Variants in DAB1 observed in about 807,000 individuals in gnomAD.
DAB1 encodes the protein disabled homolog 1.
DAB1 carries 15 observed loss-of-function variants against 64.6 expected under a neutral mutation model. The ratio of observed to expected loss-of-function variants is 0.23; its 90% CI spans 0.16 to 0.36. The LOEUF is 0.36. Ranked by LOEUF, DAB1 falls within the 10% of genes least tolerant of loss-of-function variation. The pLI is 1.00. For synonymous variants in DAB1, 235 were observed against 251.9 expected, an observed-to-expected ratio of 0.93 and a Z score of 0.64; for missense variants, 596 against 706.7, an observed-to-expected ratio of 0.84 and a Z score of 1.78.
At chr1:57,835,172 A>T (rs2101908603) in intron 1 of DAB1, among the ~76,000 whole-genome samples, 1 of 152,280 alleles carries the variant, frequency 6.6e-6, no homozygotes, top group South Asian at 2.1e-4. Flanking sequence ...TTCAGATTCT[A>T]TGCTTAGACT....
chr1:57,718,017 A>T (rs1570764784), intron 6 of DAB1, among the ~76,000 whole-genome samples: 1 of 152,276 alleles, frequency 6.6e-6, no homozygotes, highest in East Asian at 1.9e-4. Flanking sequence ...AGATAGGAAG[A>T]ACAAGTTCTG....
intron 7 of DAB1, among the ~76,000 whole-genome samples, chr1:57,444,428 G>T (rs1381626074): frequency 6.6e-6 from 1 of 152,102 alleles, no homozygotes; most frequent in East Asian, 1.9e-4. Context: ...GCAAAAGAAT[G>T]TTTTCATCTG....
intron 1 of DAB1, among the ~76,000 whole-genome samples, chr1:58,545,645 C>T (rs1250168679): frequency 6.6e-6 from 1 of 152,186 alleles, no homozygotes; most frequent in Non-Finnish European, 1.5e-5. Flanking sequence ...CCTCTACGAA[C>T]ATTTCAGATC....
At chr1:58,039,108 T>G (rs4912293) in intron 5 of DAB1, among the ~76,000 whole-genome samples, 17,019 of 152,142 alleles carry the variant, frequency 0.11, 2,933 homozygotes, top group African/African-American at 0.37. Flanking sequence ...TTGCTGTTAC[T>G]GCAGACTGCT....
chr1:58,042,327 T>C lies in DAB1; in HGVS notation n.387+108184A>G, dbSNP rs145686053. Among the ~76,000 whole-genome samples, 1,402 of 152,336 alleles carry C rather than the reference T, an allele frequency of 9.2e-3. 19 individuals carry two copies. The highest frequency in any genetic ancestry group is 0.032 in the African/African-American group (1,338 of 41,570). On this transcript the variant is annotated intron_variant and non_coding_transcript_variant, in intron 5 of 20. Transcript: ENST00000485760. ...CTTTAAAACTGTTTATTTTTACTTCTCTTTTTGAACCTCTAACTTTTAGGA... is the reference window on the plus strand; with the variant it reads ...CTTTAAAACTGTTTATTTTTACTTCCCTTTTTGAACCTCTAACTTTTAGGA...
chr1:57,473,043 A>T (rs1436376520), intron 7 of DAB1, among the ~76,000 whole-genome samples: 2 of 152,182 alleles, frequency 1.3e-5, no homozygotes, highest in Admixed American at 1.3e-4. Context: ...CTCTAGAAAG[A>T]TCAAAATTCT....
chr1:57,249,670 C>T (rs557279397), intron 2 of DAB1, among the ~76,000 whole-genome samples: 1 of 152,222 alleles, frequency 6.6e-6, no homozygotes, highest in African/African-American at 2.4e-5. Context: ...CCACACCCAG[C>T]CTCAACCTTA....
At chr1:57,278,415 T>G (rs914195060) in intron 2 of DAB1, among the ~76,000 whole-genome samples, 1 of 152,150 alleles carries the variant, frequency 6.6e-6, no homozygotes, top group Non-Finnish European at 1.5e-5. Flanking sequence ...GATATAATGA[T>G]AGAAAAGACA....
intron 5 of DAB1, among the ~76,000 whole-genome samples, chr1:57,922,381 G>A (rs1428296028): frequency 2.6e-5 from 4 of 151,850 alleles, no homozygotes; most frequent in Non-Finnish European, 4.4e-5. Context: ...AAGAAAGGAA[G>A]GAAAGAAGAA....
chr1:58,459,120 T>C (rs979687317), intron 3 of DAB1, among the ~76,000 whole-genome samples: 2 of 152,192 alleles, frequency 1.3e-5, no homozygotes, highest in African/African-American at 4.8e-5. Flanking sequence ...CAGAAATCAT[T>C]TCTTTGGAAA....
chr1:58,340,364 C>G lies in DAB1; in HGVS notation n.309+2988G>C, dbSNP rs186431571. On this transcript the variant is annotated intron_variant and non_coding_transcript_variant, in intron 4 of 20. Transcript: ENST00000485760. ...GGGAAATCTTGTCACCCTCATGAGC[C>G]GGGCCCCTTAAACAAAGAAGCCTTC... Among the ~76,000 whole-genome samples, 45 of 152,218 alleles carry G rather than the reference C, an allele frequency of 3.0e-4. No individual in the cohort carries two copies. In the East Asian group the frequency reaches 8.3e-3, roughly 28 times the overall value.
At chr1:58,442,091 C>A (rs1443046871) in intron 3 of DAB1, among the ~76,000 whole-genome samples, 1 of 152,166 alleles carries the variant, frequency 6.6e-6, no homozygotes, top group East Asian at 1.9e-4. Context: ...TGGGGTGCCT[C>A]CAGCTTTTTC....
At chr1:57,651,618 A>G (rs1646256989) in intron 6 of DAB1, among the ~76,000 whole-genome samples, 1 of 152,126 alleles carries the variant, frequency 6.6e-6, no homozygotes. Context: ...CTTATATATA[A>G]AGTGGGATAA....
intron 5 of DAB1, among the ~76,000 whole-genome samples, chr1:58,003,819 C>G (rs191629918): frequency 6.6e-6 from 1 of 152,182 alleles, no homozygotes; most frequent in African/African-American, 2.4e-5. Flanking sequence ...GAAACTGACA[C>G]GGCCCCTTCT....
At chr1:58,432,376 A>T (rs1418757461) in intron 3 of DAB1, among the ~76,000 whole-genome samples, 1 of 152,148 alleles carries the variant, frequency 6.6e-6, no homozygotes, top group Non-Finnish European at 1.5e-5. Flanking sequence ...AAAATCAAAG[A>T]AAAAAAATTT....
chr1:57,982,617 C>T (rs1646093982), intron 5 of DAB1, among the ~76,000 whole-genome samples: 1 of 152,148 alleles, frequency 6.6e-6, no homozygotes, highest in African/African-American at 2.4e-5. Context: ...CTTTAAGAAA[C>T]CCTGCTACAC....
intron 5 of DAB1, among the ~76,000 whole-genome samples, chr1:57,924,183 A>G (rs1263943484): frequency 6.6e-6 from 1 of 152,234 alleles, no homozygotes; most frequent in Admixed American, 6.5e-5. Context: ...ACCACTGTTT[A>G]TGAATCAGCC....
chr1:57,356,120 C>T (rs749661891), intron 1 of DAB1, among the ~76,000 whole-genome samples: 12 of 152,090 alleles, frequency 7.9e-5, no homozygotes, highest in Admixed American at 1.3e-4. Flanking sequence ...ATATTCCTTG[C>T]ACCTAGAGCA....
intron 7 of DAB1, among the ~76,000 whole-genome samples, chr1:57,534,471 C>T (rs1031766368): frequency 6.6e-6 from 1 of 152,168 alleles, no homozygotes; most frequent in Non-Finnish European, 1.5e-5. Context: ...GACTTTTCAG[C>T]TCAACCCTGC....
Sources: allele counts gnomAD v4.1 joint callset (sites outside exome capture counted in the v4.1 genomes callset), GRCh38; gene constraint gnomAD v4.1.1; transcripts MANE v1.5; gene names NCBI Gene and HGNC (gene_info 2026-07-23, HGNC 2026-07-21).